Variants in NCKAP5 observed in about 807,000 individuals in gnomAD.
NCKAP5 encodes NCK associated protein 5.
A neutral mutation model predicts 167.0 loss-of-function variants in NCKAP5; 92 were observed. The ratio of observed to expected loss-of-function variants is 0.55; its 90% CI spans 0.47 to 0.66. NCKAP5 has a LOEUF of 0.66. NCKAP5 is among the 30% of genes least tolerant of loss of function. NCKAP5 has a pLI of 0.00. For synonymous variants in NCKAP5, 891 were observed against 877.4 expected (o/e 1.02, Z -0.27); for missense variants, 2,378 against 2,315.0 (o/e 1.03, Z -0.56).
chr2:133,588,535 A>G, the NCKAP5 span, among the ~76,000 whole-genome samples: 1 of 148,362 alleles, frequency 6.7e-6, no homozygotes, highest in East Asian at 2.0e-4. Context: ...TCCTTTTCCC[A>G]TTTATCAAAA....
intron 2 of NCKAP5, among the ~76,000 whole-genome samples, chr2:133,519,201 G>T (rs775054201): frequency 6.6e-6 from 1 of 152,166 alleles, no homozygotes; most frequent in Non-Finnish European, 1.5e-5. Flanking sequence ...TCATATTCCA[G>T]CTTAGGCTTC....
At chr2:133,138,007 G>A (rs967303770) in intron 5 of NCKAP5, among the ~76,000 whole-genome samples, 2 of 152,078 alleles carry the variant, frequency 1.3e-5, no homozygotes, top group Admixed American at 6.6e-5. Context: ...AGATGGGGTA[G>A]GCACGTAAAA....
intron 6 of NCKAP5, among the ~76,000 whole-genome samples, chr2:133,002,745 C>G (rs1480971193): frequency 2.0e-5 from 3 of 152,166 alleles, no homozygotes; most frequent in Non-Finnish European, 4.4e-5. Context: ...CTGACTCCTC[C>G]TTGTTGTTTA....
chr2:132,883,682 C>G (rs1474695333), intron 8 of NCKAP5, among the ~76,000 whole-genome samples: 1 of 152,178 alleles, frequency 6.6e-6, no homozygotes, highest in Non-Finnish European at 1.5e-5. Context: ...TTCCTCGGTG[C>G]CCTCTGCTTT....
the NCKAP5 span, among the ~76,000 whole-genome samples, chr2:133,603,204 CG>C: frequency 6.8e-6 from 1 of 147,052 alleles, no homozygotes; most frequent in African/African-American, 2.5e-5. Flanking sequence ...CTGATGGCAT[CG>C]GTTTTTTTTT....
In NCKAP5 at chr2:133,239,560, A is replaced by G. The variant is rs147019501; in HGVS notation, c.144-25781T>C. ...GACTATAGGAAAATCAAGGTATTTGACTGTACCAGCTAGATTCTGATTTTT... is the reference window on the plus strand; with the variant it reads ...GACTATAGGAAAATCAAGGTATTTGGCTGTACCAGCTAGATTCTGATTTTT... On this transcript the variant is annotated intron_variant, in intron 4 of 19. Transcript: ENST00000409261. Among the ~76,000 whole-genome samples the G allele has an allele frequency of 2.0e-5, 3 of 152,298 alleles. No homozygotes were observed. The East Asian group carries it at 5.8e-4, about 29-fold the overall frequency.
chr2:133,056,040 T>C (rs2079787441), intron 6 of NCKAP5, among the ~76,000 whole-genome samples: 1 of 152,170 alleles, frequency 6.6e-6, no homozygotes, highest in South Asian at 2.1e-4. Context: ...CATCTGTCCC[T>C]CCTCTCCCTA....
intron 3 of NCKAP5, among the ~76,000 whole-genome samples, chr2:133,388,336 C>T (rs145404797): frequency 3.5e-4 from 54 of 152,266 alleles, no homozygotes; most frequent in Middle Eastern, 3.4e-3. Flanking sequence ...GTATCAGTAG[C>T]GGAGGATGCA....
At chr2:133,379,311 G>A (rs1686361893) in intron 3 of NCKAP5, among the ~76,000 whole-genome samples, 2 of 152,228 alleles carry the variant, frequency 1.3e-5, no homozygotes, top group Non-Finnish European at 2.9e-5. Flanking sequence ...CTCCAGTCTT[G>A]TCCTTGCATG....
chr2:132,714,947 C>T (rs1340585789), intron 19 of NCKAP5: 4 of 446,812 alleles, frequency 9.0e-6, no homozygotes, highest in Non-Finnish European at 8.9e-6. Flanking sequence ...CTTGGAGGTT[C>T]ACAGAGGAGC....
chr2:132,774,039 TG>T, intron 15 of NCKAP5, 145 bp from the exon 16 acceptor site: 1 of 542,616 alleles, frequency 1.8e-6, no homozygotes, highest in Non-Finnish European at 3.2e-6. Context: ...TGAGTATGTA[TG>T]TATACATATA....
chr2:133,444,321 C>T (rs1260306976), intron 3 of NCKAP5, among the ~76,000 whole-genome samples: 1 of 151,002 alleles, frequency 6.6e-6, no homozygotes, highest in African/African-American at 2.4e-5. Flanking sequence ...GAAACTTTGC[C>T]AAATGGCAAA....
chr2:133,600,775 G>A, the NCKAP5 span, among the ~76,000 whole-genome samples: 24 of 152,154 alleles, frequency 1.6e-4, no homozygotes, highest in Non-Finnish European at 3.1e-4. Context: ...CTCCATCCCC[G>A]CTCAGGCTCT....
intron 8 of NCKAP5, among the ~76,000 whole-genome samples, chr2:132,948,433 A>G (rs1489437777): frequency 6.6e-6 from 1 of 151,862 alleles, no homozygotes; most frequent in South Asian, 2.1e-4. Flanking sequence ...TGCTTTAAGG[A>G]CTCCCTGAAG....
chr2:133,394,094 G>A (rs1220609967), intron 3 of NCKAP5, among the ~76,000 whole-genome samples: 1 of 152,190 alleles, frequency 6.6e-6, no homozygotes, highest in Non-Finnish European at 1.5e-5. Flanking sequence ...GAAGCTTCCT[G>A]CACAATGGGT....
chr2:133,368,309 G>C (rs1242052545), intron 3 of NCKAP5, among the ~76,000 whole-genome samples: 1 of 152,172 alleles, frequency 6.6e-6, no homozygotes, highest in Non-Finnish European at 1.5e-5. Flanking sequence ...GTGTGCACAT[G>C]AATTTTAAAA....
intron 16 of NCKAP5, among the ~76,000 whole-genome samples, chr2:132,741,740 C>A (rs1679211638): frequency 6.6e-6 from 1 of 152,104 alleles, no homozygotes; most frequent in African/African-American, 2.4e-5. Context: ...GGCTCCAGCC[C>A]TGATCCTTAA....
intron 4 of NCKAP5, among the ~76,000 whole-genome samples, chr2:133,240,775 T>G (rs751188762): frequency 1.6e-4 from 24 of 152,178 alleles, no homozygotes; most frequent in Non-Finnish European, 4.4e-5. Context: ...TATAGAACAC[T>G]AGGTGAATGC....
At chr2:132,826,793 T>A (rs1687153551) in intron 11 of NCKAP5, among the ~76,000 whole-genome samples, 1 of 152,192 alleles carries the variant, frequency 6.6e-6, no homozygotes, top group Admixed American at 6.5e-5. Context: ...CTGGGTTTAT[T>A]CACAATACAG....
Sources: gnomAD v4.1 joint callset for allele counts (sites outside exome capture counted in the v4.1 genomes callset) on GRCh38, gnomAD v4.1.1 for gene constraint, MANE v1.5 for transcripts, NCBI Gene and HGNC (gene_info 2026-07-23, HGNC 2026-07-21) for gene names.